The following MYO3A variants were observed in gnomAD, a reference collection of about 807,000 sequenced individuals.
The protein encoded by MYO3A is myosin-IIIa.
Under a neutral mutation model 192.7 loss-of-function variants are expected in MYO3A, and 180 were observed. That is an observed-to-expected ratio of 0.93 (90% confidence interval 0.83 to 1.06). The LOEUF is 1.06. Ranked by LOEUF, MYO3A falls within the 50% of genes least tolerant of loss-of-function variation. MYO3A has a pLI of 0.00. For missense variants in MYO3A, 1,896 were observed against 1,905.0 expected, an observed-to-expected ratio of 1.00 and a Z score of 0.09; for synonymous variants, 628 against 645.3, an observed-to-expected ratio of 0.97 and a Z score of 0.41.
intron 31 of MYO3A, among the ~76,000 whole-genome samples, chr10:26,178,059 G>A (rs1052024251): frequency 6.6e-6 from 1 of 152,230 alleles, no homozygotes; most frequent in Non-Finnish European, 1.5e-5. Context: ...GCAAGTCAGA[G>A]CCCAGAGGCC....
intron 4 of MYO3A, among the ~76,000 whole-genome samples, chr10:25,961,350 G>C (rs1209154785): frequency 6.6e-6 from 1 of 152,092 alleles, no homozygotes; most frequent in Non-Finnish European, 1.5e-5. Flanking sequence ...CTGGAATTAG[G>C]AGACAGTTGG....
chr10:26,124,325 T>A (rs1839069493), intron 18 of MYO3A, among the ~76,000 whole-genome samples: 1 of 152,208 alleles, frequency 6.6e-6, no homozygotes, highest in Admixed American at 6.5e-5. Flanking sequence ...TGGCATTTTT[T>A]AAAATTATTG....
At chr10:26,063,922 AT>A (rs1166220662) in intron 10 of MYO3A, among the ~76,000 whole-genome samples, 2 of 152,210 alleles carry the variant, frequency 1.3e-5, no homozygotes, top group Non-Finnish European at 2.9e-5. Context: ...ATAATTAGTC[AT>A]TGAACAACTA....
At chr10:26,200,632 A>G (rs1395947252) in intron 32 of MYO3A, among the ~76,000 whole-genome samples, 1 of 152,242 alleles carries the variant, frequency 6.6e-6, no homozygotes, top group Non-Finnish European at 1.5e-5. Flanking sequence ...TTGAAGTATC[A>G]GTTAAAATAT....
chr10:26,169,146 A>G (rs1361912449), intron 28 of MYO3A, among the ~76,000 whole-genome samples: 4 of 152,222 alleles, frequency 2.6e-5, no homozygotes, highest in Non-Finnish European at 5.9e-5. Context: ...ATAGCAAATA[A>G]TTAATTATAG....
chr10:25,966,081 T>C (rs1412284163), intron 4 of MYO3A, among the ~76,000 whole-genome samples: 2 of 152,018 alleles, frequency 1.3e-5, no homozygotes, highest in Non-Finnish European at 1.5e-5. Context: ...TACATAGTTA[T>C]TAACTTGGTG....
intron 10 of MYO3A, among the ~76,000 whole-genome samples, chr10:26,055,397 A>ACCACTCC: frequency 6.6e-6 from 1 of 151,288 alleles, no homozygotes; most frequent in East Asian, 1.9e-4. Context: ...TACAGGGTAA[A>ACCACTCC]CCACTCCCCA....
Position 26,070,365 on chromosome 10 carries a change from T to C in MYO3A, c.1323T>C (p.Ala441=). 1 of 1,613,368 alleles carries C rather than the reference T, an allele frequency of 6.2e-7. No individual in the cohort carries two copies. The highest frequency in any genetic ancestry group is 8.5e-7 in the Non-Finnish European group (1 of 1,179,498). The change falls in exon 14 of 35, where the codon GCT becomes GCC. Residue 441 remains alanine, a synonymous_variant. Transcript: ENST00000642920. ...GTGGTGCTGGAAAGACTGAAAATGCTCATCTTTTAGTTCAGCAGCTGACAG... is the reference window on the plus strand; with the variant it reads ...GTGGTGCTGGAAAGACTGAAAATGCCCATCTTTTAGTTCAGCAGCTGACAG... ...GESGAGKTEN[A]HLLVQQLTVL...
At chr10:25,950,178 C>G (rs1837114525) in intron 2 of MYO3A, among the ~76,000 whole-genome samples, 1 of 152,056 alleles carries the variant, frequency 6.6e-6, no homozygotes, top group African/African-American at 2.4e-5. Flanking sequence ...AAGAAGGAAC[C>G]AAAGGAAAAG....
intron 12 of MYO3A, among the ~76,000 whole-genome samples, chr10:26,069,238 C>T (rs561682035): frequency 2.6e-5 from 4 of 151,910 alleles, no homozygotes; most frequent in South Asian, 2.1e-4. Flanking sequence ...AGTATGGGAG[C>T]GTCAAAAGTA....
At chr10:25,960,694 T>G (rs1564406814) in intron 4 of MYO3A, among the ~76,000 whole-genome samples, 1 of 152,084 alleles carries the variant, frequency 6.6e-6, no homozygotes, top group Non-Finnish European at 1.5e-5. Flanking sequence ...ATCTTCACAT[T>G]GAATAGTCTG....
rs374360166 is a variant in MYO3A at position 26,146,856 on chromosome 10, TA to T, written c.2506-572del. 5.3e-4 allele frequency among the ~76,000 whole-genome samples: 81 copies of T among 152,324 alleles called. 3 individuals are homozygous for T. The East Asian group carries it at 0.014, about 27-fold the overall frequency. On this transcript the variant is annotated intron_variant, in intron 22 of 34. Transcript: ENST00000642920. ...GGCTAGGCATGGTGGCTCACGCCTG[TA>T]ATCCTAGCACTTTGGGAGGCCGAGG...
chr10:26,070,267 C>A, intron 13 of MYO3A, 51 bp from the exon 14 acceptor site: 1 of 1,562,906 alleles, frequency 6.4e-7, no homozygotes, highest in Non-Finnish European at 8.7e-7. Context: ...ACTTAAATGT[C>A]ACTTAATTTT....
chr10:26,048,527 T>G (rs1843768780), intron 10 of MYO3A, among the ~76,000 whole-genome samples: 1 of 149,450 alleles, frequency 6.7e-6, no homozygotes, highest in Admixed American at 6.7e-5. Context: ...GAACTTGTGC[T>G]ATAGATTATA....
In MYO3A at chr10:25,956,590, T is replaced by C. The variant is rs550504642; in HGVS notation, c.303+1582T>C. On this transcript the variant is annotated intron_variant, in intron 4 of 34. Transcript: ENST00000642920. ...AACTCCTGATCTCAAGTGATCCACC[T>C]ATCTCGACCTCCTAAAGTGCCTGGT... is the stretch of plus-strand genomic sequence containing the variant. Among the ~76,000 whole-genome samples, 10 of 151,198 alleles carry C rather than the reference T, an allele frequency of 6.6e-5. No homozygotes were observed. In the South Asian group the frequency reaches 1.9e-3, roughly 29 times the overall value.
At chr10:25,998,411 C>T (rs1002711285) in intron 6 of MYO3A, among the ~76,000 whole-genome samples, 4 of 152,162 alleles carry the variant, frequency 2.6e-5, no homozygotes, top group African/African-American at 7.2e-5. Context: ...CTTTGTTTTT[C>T]TCACCTGTGC....
chr10:26,076,230 G>A (rs756757528), intron 14 of MYO3A, among the ~76,000 whole-genome samples: 15 of 152,016 alleles, frequency 9.9e-5, no homozygotes, highest in Non-Finnish European at 1.6e-4. Flanking sequence ...GTTTTGATTT[G>A]CATTTTCCTG....
intron 31 of MYO3A, among the ~76,000 whole-genome samples, chr10:26,177,652 C>T (rs1355465042): frequency 6.6e-6 from 1 of 152,236 alleles, no homozygotes; most frequent in Non-Finnish European, 1.5e-5. Context: ...TTGAACCCTG[C>T]TGACCTCTGC....
At chr10:26,143,427 G>A (rs757377076) in intron 20 of MYO3A, 21 bp from the exon 21 acceptor site, 5 of 1,593,762 alleles carry the variant, frequency 3.1e-6, no homozygotes, top group South Asian at 2.2e-5. Flanking sequence ...ACAGTTTTAA[G>A]TGGTTTTGTC....
Sources: allele counts gnomAD v4.1 joint callset (sites outside exome capture counted in the v4.1 genomes callset), GRCh38; gene constraint gnomAD v4.1.1; transcripts MANE v1.5; gene names NCBI Gene and HGNC (gene_info 2026-07-23, HGNC 2026-07-21).